The following ZNG1E variants were observed in gnomAD, a reference collection of about 807,000 sequenced individuals.
The protein encoded by ZNG1E is Zn regulated GTPase metalloprotein activator 1E.
At chr9:65,710,962 C>T in the ZNG1E span, among the ~76,000 whole-genome samples, 235 of 145,272 alleles carry the variant, frequency 1.6e-3, no homozygotes, top group African/African-American at 5.6e-3. Flanking sequence ...GCCATTTTCA[C>T]GATATTGATT....
At chr9:65,671,724 GAGA>G in the ZNG1E span, among the ~76,000 whole-genome samples, 1 of 146,306 alleles carries the variant, frequency 6.8e-6, no homozygotes, top group Non-Finnish European at 1.5e-5. Context: ...CTGTCTTCAG[GAGA>G]AGAAAAAAAA....
At chr9:65,684,450 C>T in the ZNG1E span, among the ~76,000 whole-genome samples, 14 of 152,286 alleles carry the variant, frequency 9.2e-5, no homozygotes, top group East Asian at 2.3e-3. Flanking sequence ...GCATGAGAAT[C>T]GCTTGAAAGC....
chr9:65,667,506 A>G, the ZNG1E span, among the ~76,000 whole-genome samples: 1 of 152,290 alleles, frequency 6.6e-6, no homozygotes, highest in Admixed American at 6.5e-5. Flanking sequence ...ATATCAAAGG[A>G]GAATAAGAAT....
chr9:65,662,072 T>G, the ZNG1E span, among the ~76,000 whole-genome samples: 1 of 152,208 alleles, frequency 6.6e-6, no homozygotes, highest in Non-Finnish European at 1.5e-5. Context: ...GCTGACAAAG[T>G]TAACATTCTA....
the ZNG1E span, among the ~76,000 whole-genome samples, chr9:65,663,558 G>A: frequency 7.1e-6 from 1 of 140,372 alleles, no homozygotes; most frequent in Non-Finnish European, 1.5e-5. Flanking sequence ...CTTTGAGTGA[G>A]CCAAACTTAT....
At chr9:65,662,887 A>G in the ZNG1E span, among the ~76,000 whole-genome samples, 1 of 151,928 alleles carries the variant, frequency 6.6e-6, no homozygotes, top group African/African-American at 2.4e-5. Context: ...TAAAAAAGAT[A>G]GTATAGGTCA....
chr9:65,673,956 C>A, the ZNG1E span, among the ~76,000 whole-genome samples: 2 of 152,290 alleles, frequency 1.3e-5, no homozygotes, highest in East Asian at 3.8e-4. Flanking sequence ...GGACATCAAG[C>A]AAATAGTGTG....
the ZNG1E span, among the ~76,000 whole-genome samples, chr9:65,684,546 G>GCACACACA: frequency 2.6e-3 from 358 of 139,138 alleles, no homozygotes; most frequent in African/African-American, 7.8e-3. Context: ...ACACACACAC[G>GCACACACA]CACGCACACA....
At chr9:65,667,190 A>G in the ZNG1E span, among the ~76,000 whole-genome samples, 1 of 152,230 alleles carries the variant, frequency 6.6e-6, no homozygotes, top group Non-Finnish European at 1.5e-5. Context: ...ACTATTATCA[A>G]GATGCAATAT....
the ZNG1E span, among the ~76,000 whole-genome samples, chr9:65,672,417 T>C: frequency 1.3e-5 from 2 of 150,958 alleles, no homozygotes; most frequent in Non-Finnish European, 2.9e-5. Context: ...ATTTTCAATT[T>C]AACAATTTAA....
chr9:65,657,767 T>C, the ZNG1E span, among the ~76,000 whole-genome samples: 4 of 152,406 alleles, frequency 2.6e-5, no homozygotes, highest in African/African-American at 9.6e-5. Context: ...GCAACGGATA[T>C]ACCATTTACC....
the ZNG1E span, among the ~76,000 whole-genome samples, chr9:65,668,514 T>C: frequency 2.9e-3 from 442 of 150,462 alleles, 1 homozygote; most frequent in East Asian, 0.055. Flanking sequence ...TACACACACA[T>C]ATATATATAT....
chr9:65,710,962 C>G, the ZNG1E span, among the ~76,000 whole-genome samples: 3 of 145,294 alleles, frequency 2.1e-5, no homozygotes, highest in Admixed American at 1.4e-4. Context: ...GCCATTTTCA[C>G]GATATTGATT....
chr9:65,663,044 A>C, the ZNG1E span, among the ~76,000 whole-genome samples: 1 of 152,268 alleles, frequency 6.6e-6, no homozygotes, highest in Non-Finnish European at 1.5e-5. Flanking sequence ...AAGTACAACG[A>C]ACAAAGGACA....
At chr9:65,687,326 G>T in the ZNG1E span, among the ~76,000 whole-genome samples, 4 of 140,336 alleles carry the variant, frequency 2.9e-5, no homozygotes, top group Non-Finnish European at 6.1e-5. Flanking sequence ...CCATTCCCGA[G>T]TTAGTCCATC....
chr9:65,683,697 G>A, the ZNG1E span, among the ~76,000 whole-genome samples: 1 of 152,092 alleles, frequency 6.6e-6, no homozygotes, highest in Non-Finnish European at 1.5e-5. Flanking sequence ...AAGAAATATT[G>A]AAGTATCCTG....
chr9:65,703,560 T>G, the ZNG1E span: 1 of 965,800 alleles, frequency 1.0e-6, no homozygotes, highest in Non-Finnish European at 1.2e-6. Flanking sequence ...AGAAAATTTC[T>G]GTGCAGGGAT....
the ZNG1E span, among the ~76,000 whole-genome samples, chr9:65,676,585 C>A: frequency 6.6e-6 from 1 of 150,996 alleles, no homozygotes; most frequent in Admixed American, 6.6e-5. Flanking sequence ...ATTCCCCTTC[C>A]CCAGGAGCCA....
chr9:65,687,524 C>A, the ZNG1E span, among the ~76,000 whole-genome samples: 1 of 152,384 alleles, frequency 6.6e-6, no homozygotes, highest in Admixed American at 6.5e-5. Context: ...AAATGTTGTT[C>A]CATAATCTCC....
Sources: gnomAD v4.1 joint callset for allele counts (sites outside exome capture counted in the v4.1 genomes callset) on GRCh38, gnomAD v4.1.1 for gene constraint, MANE v1.5 for transcripts, NCBI Gene and HGNC (gene_info 2026-07-23, HGNC 2026-07-21) for gene names.